The following KCNIP1 variants were observed in gnomAD, a reference collection of about 807,000 sequenced individuals.
KCNIP1 encodes the protein A-type potassium channel modulatory protein KCNIP1.
A neutral mutation model predicts 33.0 loss-of-function variants in KCNIP1; 18 were observed. That is an observed-to-expected ratio of 0.55 (90% CI 0.38 to 0.81). KCNIP1 has a LOEUF of 0.81. KCNIP1 is among the 30% of genes least tolerant of loss of function. The pLI is 0.00. For missense variants in KCNIP1, 238 were observed against 271.6 expected, an observed-to-expected ratio of 0.88 and a Z score of 0.87; for synonymous variants, 93 against 98.3, an observed-to-expected ratio of 0.95 and a Z score of 0.32.
chr5:170,540,911 G>A (rs905121715), intron 1 of KCNIP1, among the ~76,000 whole-genome samples: 3 of 152,176 alleles, frequency 2.0e-5, no homozygotes, highest in Non-Finnish European at 4.4e-5. Flanking sequence ...ATCTAAGGCT[G>A]CCCAGTGTGC....
intron 1 of KCNIP1, among the ~76,000 whole-genome samples, chr5:170,577,566 G>A (rs1379589174): frequency 6.6e-6 from 1 of 152,022 alleles, no homozygotes; most frequent in Non-Finnish European, 1.5e-5. Flanking sequence ...TCTGACTCAG[G>A]GGCAATAATG....
At chr5:170,615,437 A>C (rs543131902) in intron 1 of KCNIP1, among the ~76,000 whole-genome samples, 1 of 152,314 alleles carries the variant, frequency 6.6e-6, no homozygotes, top group East Asian at 1.9e-4. Flanking sequence ...GCCTGAGTTC[A>C]GTTCCCAATA....
intron 1 of KCNIP1, among the ~76,000 whole-genome samples, chr5:170,414,425 G>A (rs1270569540): frequency 6.6e-6 from 1 of 152,184 alleles, no homozygotes; most frequent in Non-Finnish European, 1.5e-5. Flanking sequence ...ATCAAATGTG[G>A]CCAACTGTTT....
intron 1 of KCNIP1, among the ~76,000 whole-genome samples, chr5:170,652,547 G>T (rs1436603904): frequency 2.0e-5 from 3 of 150,030 alleles, no homozygotes; most frequent in Non-Finnish European, 4.4e-5. Context: ...GAAAAGAAAA[G>T]AAAAGAAAAA....
intron 1 of KCNIP1, among the ~76,000 whole-genome samples, chr5:170,457,567 T>C (rs777440630): frequency 6.6e-6 from 1 of 152,204 alleles, no homozygotes; most frequent in Non-Finnish European, 1.5e-5. Flanking sequence ...GTAGACATCC[T>C]GGGTGGCTAG....
chr5:170,733,886 A>G lies in KCNIP1; in HGVS notation c.591A>G (p.Glu197=). ...DGIVTLDEFL[E]SCQEDDNIMR... The stretch of plus-strand genomic sequence containing the variant: ...TCGTAACTTTAGATGAATTTCTTGA[A>G]TCATGTCAGGAGGTAAGGAGAGATC... Residue 197 remains glutamate, a synonymous_variant, in exon 7 of 8, where the codon GAA becomes GAG. Coordinates refer to ENST00000328939, the MANE Select transcript of KCNIP1 (RefSeq NM_014592.4). 6.2e-7 allele frequency: 1 copy of G among 1,613,692 alleles called. No individual in the cohort carries two copies. Among genetic ancestry groups the G allele is most frequent in the Non-Finnish European group, 8.5e-7 (1 of 1,179,612 alleles).
chr5:170,651,899 T>C (rs992133405), intron 1 of KCNIP1, among the ~76,000 whole-genome samples: 1 of 152,246 alleles, frequency 6.6e-6, no homozygotes, highest in Non-Finnish European at 1.5e-5. Flanking sequence ...TATTTCTGAC[T>C]GTAAGGGCAC....
chr5:170,399,391 G>T (rs1028502096), intron 1 of KCNIP1, among the ~76,000 whole-genome samples: 1 of 152,122 alleles, frequency 6.6e-6, no homozygotes, highest in East Asian at 1.9e-4. Context: ...CACTCTAGTC[G>T]CATTTTATTA....
At chr5:170,506,571 T>G (rs1026062675) in intron 1 of KCNIP1, among the ~76,000 whole-genome samples, 1 of 152,186 alleles carries the variant, frequency 6.6e-6, no homozygotes, top group Non-Finnish European at 1.5e-5. Context: ...TCCTGCAGGA[T>G]TCCCAGAGTA....
intron 1 of KCNIP1, among the ~76,000 whole-genome samples, chr5:170,405,149 G>A (rs1303796616): frequency 6.6e-6 from 1 of 151,912 alleles, no homozygotes; most frequent in Admixed American, 6.6e-5. Context: ...AAATTGCCCT[G>A]CAAAATTATG....
At chr5:170,615,358 T>C (rs951864394) in intron 1 of KCNIP1, among the ~76,000 whole-genome samples, 3 of 152,186 alleles carry the variant, frequency 2.0e-5, no homozygotes, top group African/African-American at 7.2e-5. Context: ...AACAGTTTCA[T>C]TAAGACCGTG....
intron 1 of KCNIP1, among the ~76,000 whole-genome samples, chr5:170,603,420 T>C (rs1413311307): frequency 6.6e-6 from 1 of 152,208 alleles, no homozygotes; most frequent in Non-Finnish European, 1.5e-5. Context: ...ACGGATTTAC[T>C]GGTTCCATGT....
At chr5:170,482,272 C>T (rs1323853633) in intron 1 of KCNIP1, among the ~76,000 whole-genome samples, 2 of 152,120 alleles carry the variant, frequency 1.3e-5, no homozygotes, top group African/African-American at 4.8e-5. Context: ...CCCAGCAGTG[C>T]CCATCTACCA....
chr5:170,411,732 G>A (rs568863252), intron 1 of KCNIP1, among the ~76,000 whole-genome samples: 111 of 152,314 alleles, frequency 7.3e-4, no homozygotes, highest in African/African-American at 2.6e-3. Flanking sequence ...AATATAAGAT[G>A]TAGTCTCTGC....
intron 1 of KCNIP1, among the ~76,000 whole-genome samples, chr5:170,410,369 G>A (rs1287675080): frequency 6.7e-6 from 1 of 149,450 alleles, no homozygotes; most frequent in Non-Finnish European, 1.5e-5. Flanking sequence ...CAGTGCAGGT[G>A]CACCTGGGTC....
intron 1 of KCNIP1, among the ~76,000 whole-genome samples, chr5:170,700,657 T>C (rs1482874743): frequency 1.3e-5 from 2 of 152,212 alleles, no homozygotes; most frequent in East Asian, 1.9e-4. Context: ...GGAATTGTGA[T>C]TTATAAGCAC....
At chr5:170,655,634 G>A (rs553793711) in intron 1 of KCNIP1, among the ~76,000 whole-genome samples, 7 of 152,170 alleles carry the variant, frequency 4.6e-5, no homozygotes, top group Non-Finnish European at 1.0e-4. Context: ...GGTTCAGGCT[G>A]TTCTTGCCTC....
At chr5:170,536,676 A>G (rs1174572303) in intron 1 of KCNIP1, among the ~76,000 whole-genome samples, 1 of 152,186 alleles carries the variant, frequency 6.6e-6, no homozygotes, top group African/African-American at 2.4e-5. Flanking sequence ...CATTAAGGAA[A>G]GCGGAGCTAC....
intron 1 of KCNIP1, among the ~76,000 whole-genome samples, chr5:170,700,086 A>T (rs1206349982): frequency 6.6e-6 from 1 of 151,862 alleles, no homozygotes; most frequent in African/African-American, 2.4e-5. Flanking sequence ...TGTTCCCTTC[A>T]TCCCAGCCTC....
Sources: gnomAD v4.1 joint callset for allele counts (sites outside exome capture counted in the v4.1 genomes callset) on GRCh38, gnomAD v4.1.1 for gene constraint, MANE v1.5 for transcripts, NCBI Gene and HGNC (gene_info 2026-07-23, HGNC 2026-07-21) for gene names.